The following PDE7A variants were observed in gnomAD, a reference collection of about 807,000 sequenced individuals.
PDE7A encodes high affinity 3',5'-cyclic-AMP phosphodiesterase 7A.
PDE7A carries 39 observed loss-of-function variants against 64.3 expected under a neutral mutation model. The ratio of observed to expected loss-of-function variants is 0.61; its 90% CI spans 0.47 to 0.79. The LOEUF is 0.79. Among genes scored for constraint, PDE7A ranks in the 30% least tolerant of loss-of-function variants. PDE7A has a pLI of 0.00. For missense variants in PDE7A, 470 were observed against 582.8 expected (o/e 0.81, Z 1.99); for synonymous variants, 203 against 206.8 (o/e 0.98, Z 0.16).
At chr8:65,735,367 G>A (rs2128897949) in intron 6 of PDE7A, among the ~76,000 whole-genome samples, 1 of 151,794 alleles carries the variant, frequency 6.6e-6, no homozygotes, top group South Asian at 2.1e-4. Context: ...GGAGTGCAGT[G>A]ACATGATCAT....
chr8:65,793,069 C>A (rs942438913), intron 1 of PDE7A, among the ~76,000 whole-genome samples: 5 of 152,062 alleles, frequency 3.3e-5, no homozygotes, highest in Non-Finnish European at 5.9e-5. Flanking sequence ...CCTTATGATA[C>A]TAAAAGCACT....
chr8:65,792,063 T>C (rs1403529724), intron 1 of PDE7A, among the ~76,000 whole-genome samples: 1 of 152,192 alleles, frequency 6.6e-6, no homozygotes, highest in Non-Finnish European at 1.5e-5. Flanking sequence ...AAAGTTTATT[T>C]TTCCAGAGTT....
At chr8:65,801,655 T>TTATGTGCAATTTGATAACCATC (rs1809990487) in intron 1 of PDE7A, among the ~76,000 whole-genome samples, 1 of 152,028 alleles carries the variant, frequency 6.6e-6, no homozygotes, top group Admixed American at 6.5e-5. Context: ...ATAGAAGTAA[T>TTATGTGCAATTTGATAACCATC]AGCTTGAGTC....
intron 1 of PDE7A, among the ~76,000 whole-genome samples, chr8:65,812,349 T>TA (rs1810277187): frequency 6.6e-6 from 1 of 151,340 alleles, no homozygotes; most frequent in South Asian, 2.1e-4. Context: ...GGCTAGTAAA[T>TA]AGAGGAGGAA....
chr8:65,794,226 C>T (rs1365686963), intron 1 of PDE7A, among the ~76,000 whole-genome samples: 1 of 151,944 alleles, frequency 6.6e-6, no homozygotes, highest in Non-Finnish European at 1.5e-5. Context: ...GGCATGAATG[C>T]ACCTTCTTCA....
intron 4 of PDE7A, among the ~76,000 whole-genome samples, chr8:65,746,347 G>C (rs1332795352): frequency 6.6e-6 from 1 of 152,062 alleles, no homozygotes; most frequent in Non-Finnish European, 1.5e-5. Context: ...TCTGTTTCTA[G>C]AACCTAGGCA....
chr8:65,787,724 C>T (rs1809598503), intron 1 of PDE7A, among the ~76,000 whole-genome samples: 1 of 151,644 alleles, frequency 6.6e-6, no homozygotes, highest in South Asian at 2.1e-4. Context: ...AGGAGGATTG[C>T]TTGAGCCCAG....
At chr8:65,807,472 T>C (rs1279206945) in intron 1 of PDE7A, among the ~76,000 whole-genome samples, 1 of 152,220 alleles carries the variant, frequency 6.6e-6, no homozygotes, top group Non-Finnish European at 1.5e-5. Context: ...ATATCATCTA[T>C]GACTAGAGAT....
At chr8:65,746,097 A>ATT (rs374802114) in intron 4 of PDE7A, among the ~76,000 whole-genome samples, 53 of 141,300 alleles carry the variant, frequency 3.8e-4, no homozygotes, top group Non-Finnish European at 5.3e-4. Flanking sequence ...TACCTGGCTA[A>ATT]TTTTTTTTTT....
In PDE7A at chr8:65,717,414, A is replaced by G. The variant is rs1806185845; in HGVS notation, c.*1876T>C. 1 of 152,210 alleles carries G rather than the reference A, an allele frequency of 6.6e-6. No individual in the cohort carries two copies. Among genetic ancestry groups the G allele is most frequent in the Non-Finnish European group, 1.5e-5 (1 of 68,030 alleles). 9.4% of individuals were successfully genotyped at this position (152,210 alleles called of 1,614,324 possible). A position where few individuals can be genotyped will look rare whatever the true frequency, so the allele number is the denominator to read the frequency against. ...CAACTAGTATTTTAGTACTTGCAAG[A>G]CTTGCTGATGTCTTATGCAGTTCAC... On this transcript the variant is annotated 3_prime_UTR_variant, in exon 13 of 13. Coordinates refer to ENST00000401827, the MANE Select transcript of PDE7A (RefSeq NM_001242318.3).
Position 65,739,613 on chromosome 8 carries a change from A to C in PDE7A, c.500-16T>G, listed in dbSNP as rs1807316782. Reference sequence around the variant, plus strand: ...AGACTATTTCCTAAAAAGAAAGAAGAGACATTACATTAGTAGGAAATACAA... The same window carrying C: ...AGACTATTTCCTAAAAAGAAAGAAGCGACATTACATTAGTAGGAAATACAA... On this transcript the variant is annotated splice_polypyrimidine_tract_variant and intron_variant, in intron 5 of 12. Transcript: ENST00000401827. 1 of 1,503,832 alleles carries C rather than the reference A, an allele frequency of 6.6e-7. No homozygotes were observed. Among genetic ancestry groups the C allele is most frequent in the African/African-American group, 1.4e-5 (1 of 69,814 alleles). 93.2% of individuals were successfully genotyped at this position (1,503,832 alleles called of 1,614,324 possible).
intron 5 of PDE7A, among the ~76,000 whole-genome samples, chr8:65,743,997 C>T (rs550919598): frequency 2.1e-4 from 32 of 152,184 alleles, no homozygotes; most frequent in African/African-American, 7.5e-4. Context: ...CACACCCAGC[C>T]AATGTTTGTA....
chr8:65,820,465 T>C (rs897680031), intron 1 of PDE7A, among the ~76,000 whole-genome samples: 6 of 152,222 alleles, frequency 3.9e-5, no homozygotes, highest in Admixed American at 2.6e-4. Flanking sequence ...AAAACTACCT[T>C]AAAATATGTA....
chr8:65,740,423 T>C (rs1807363829), intron 5 of PDE7A, among the ~76,000 whole-genome samples: 1 of 152,066 alleles, frequency 6.6e-6, no homozygotes, highest in Non-Finnish European at 1.5e-5. Context: ...TTTTTTGAGA[T>C]GGAGTCCAGC....
intron 5 of PDE7A, among the ~76,000 whole-genome samples, chr8:65,743,898 T>C (rs529292857): frequency 6.6e-6 from 1 of 152,042 alleles, no homozygotes; most frequent in South Asian, 2.1e-4. Context: ...AATGGCGCGA[T>C]CTCAGCTCAC....
chr8:65,744,051 T>C (rs1424255132), intron 5 of PDE7A, among the ~76,000 whole-genome samples: 2 of 152,204 alleles, frequency 1.3e-5, no homozygotes, highest in African/African-American at 2.4e-5. Flanking sequence ...CAGGCTGGTC[T>C]TAAACTCCTG....
rs146399241 is a variant in PDE7A at position 65,793,221 on chromosome 8, G to T, written c.139-10378C>A. Among the ~76,000 whole-genome samples the T allele has an allele frequency of 5.8e-3, 882 of 152,194 alleles. 9 individuals are homozygous for T. The highest frequency in any genetic ancestry group is 0.02 in the African/African-American group (833 of 41,540). On this transcript the variant is annotated intron_variant, in intron 1 of 12. Coordinates refer to ENST00000401827, the MANE Select transcript of PDE7A (RefSeq NM_001242318.3). The stretch of plus-strand genomic sequence containing the variant: ...CACCCAATTCTTCAAACTAGTGGAA[G>T]AATTCTAGAAGTAGCCAACAAGACT...
intron 3 of PDE7A, among the ~76,000 whole-genome samples, chr8:65,772,787 T>A (rs1809145208): frequency 6.6e-6 from 1 of 152,128 alleles, no homozygotes; most frequent in Admixed American, 6.5e-5. Flanking sequence ...GCAGATCACT[T>A]GAGGTCAGGA....
At chr8:65,835,612 GAGAAA>G (rs1406931592) in intron 1 of PDE7A, among the ~76,000 whole-genome samples, 4 of 152,312 alleles carry the variant, frequency 2.6e-5, no homozygotes, top group African/African-American at 9.6e-5. Flanking sequence ...GAGGAGGGAA[GAGAAA>G]AGAAGAGAAG....
Sources: allele counts gnomAD v4.1 joint callset (sites outside exome capture counted in the v4.1 genomes callset), GRCh38; gene constraint gnomAD v4.1.1; transcripts MANE v1.5; gene names NCBI Gene and HGNC (gene_info 2026-07-23, HGNC 2026-07-21).